The following UROS variants were observed in gnomAD, a reference collection of about 807,000 sequenced individuals.
UROS encodes uroporphyrinogen-III synthase.
Under a neutral mutation model 33.0 loss-of-function variants are expected in UROS, and 18 were observed. That is an observed-to-expected ratio of 0.55 (90% CI 0.38 to 0.81). The LOEUF is 0.81. UROS is among the 30% of genes least tolerant of loss of function. UROS has a pLI of 0.00. For synonymous variants in UROS, 114 were observed against 121.1 expected (o/e 0.94, Z 0.38); for missense variants, 293 against 314.9 (o/e 0.93, Z 0.53).
At chr10:125,795,874 C>T (rs1173597105) in intron 8 of UROS, among the ~76,000 whole-genome samples, 1 of 152,222 alleles carries the variant, frequency 6.6e-6, no homozygotes, top group African/African-American at 2.4e-5. Flanking sequence ...ACCGAAATCA[C>T]TGATTTCAAA....
Position 125,816,502 on chromosome 10 carries a change from T to C in UROS, c.-3A>G. 6.2e-7 allele frequency: 1 copy of C among 1,614,202 alleles called. No homozygotes were observed. Among genetic ancestry groups the C allele is most frequent in the Non-Finnish European group, 8.5e-7 (1 of 1,180,022 alleles). On this transcript the variant is annotated 5_prime_UTR_variant, in exon 2 of 10. Coordinates refer to ENST00000368797, the MANE Select transcript of UROS (RefSeq NM_000375.3). ...TCCTTCAGTAAAAGAACCTTCATTA[T>C]TGCCTGGCAGTCCTTATAGGGCACT...
At chr10:125,793,452 A>T (rs953899233) in intron 9 of UROS, 1 of 152,242 alleles carries the variant, frequency 6.6e-6, no homozygotes, top group Non-Finnish European at 1.5e-5. Context: ...ACCCATCCTG[A>T]CCTGCAATAT....
At chr10:125,818,935 C>G (rs1361838872) in intron 1 of UROS, among the ~76,000 whole-genome samples, 1 of 152,176 alleles carries the variant, frequency 6.6e-6, no homozygotes, top group Non-Finnish European at 1.5e-5. Flanking sequence ...TTCAAGTTGC[C>G]TGCTTAGGTC....
At chr10:125,801,641 T>C (rs1026134992) in intron 6 of UROS, among the ~76,000 whole-genome samples, 1 of 152,236 alleles carries the variant, frequency 6.6e-6, no homozygotes, top group Non-Finnish European at 1.5e-5. Flanking sequence ...GATATTCTAA[T>C]TGCAAATGGA....
intron 3 of UROS, 24 bp from the exon 4 acceptor site, chr10:125,815,154 A>G: frequency 6.2e-7 from 1 of 1,612,098 alleles, no homozygotes; most frequent in South Asian, 1.1e-5. Context: ...AGCAATAAAG[A>G]CATTTTATAC....
intron 9 of UROS, chr10:125,794,379 A>C: frequency 9.9e-7 from 1 of 1,009,904 alleles, no homozygotes; most frequent in Non-Finnish European, 1.2e-6. Context: ...GAGCCAGTTC[A>C]AGGGTGTTTC....
chr10:125,790,183 C>T (rs1850817216), intron 9 of UROS, among the ~76,000 whole-genome samples: 1 of 152,178 alleles, frequency 6.6e-6, no homozygotes, highest in Non-Finnish European at 1.5e-5. Flanking sequence ...ACCCCGCCCA[C>T]AGTACTGCCT....
At chr10:125,808,944 C>A (rs369389799) in intron 5 of UROS, among the ~76,000 whole-genome samples, 1 of 152,260 alleles carries the variant, frequency 6.6e-6, no homozygotes, top group Non-Finnish European at 1.5e-5. Flanking sequence ...GCTGGGTAAG[C>A]CCATCTTAAG....
intron 8 of UROS, chr10:125,795,252 G>A: frequency 2.0e-6 from 1 of 491,148 alleles, no homozygotes; most frequent in South Asian, 2.0e-5. Flanking sequence ...GAGCTCATGT[G>A]CCCAGCAGCC....
At chr10:125,807,544 C>T (rs1852442282) in intron 5 of UROS, 57 bp from the exon 6 acceptor site, 2 of 1,423,638 alleles carry the variant, frequency 1.4e-6, no homozygotes, top group East Asian at 4.6e-5. Flanking sequence ...CCTTTTGTTC[C>T]AGCGTTATTT....
At chr10:125,786,081 A>G (rs1850627160), downstream of UROS, among the ~76,000 whole-genome samples, 1 of 152,124 alleles carries the variant, frequency 6.6e-6, no homozygotes, top group South Asian at 2.1e-4. Context: ...ACTGCCACTC[A>G]GGGTGTCGAG....
At chr10:125,802,949 C>CA in intron 6 of UROS, 1 of 1,612,724 alleles carries the variant, frequency 6.2e-7, no homozygotes, top group South Asian at 1.1e-5. Context: ...CCAGATATTA[C>CA]TCCAATGATT....
In UROS at chr10:125,798,052, G is replaced by T. The variant is rs775028516; in HGVS notation, c.475+13C>A. Reference sequence around the variant, plus strand: ...CAAAGTGGTAAGGGATGCAGTCAAAGCATTCTACTCGCCTTTGTCCTTGAG... The same window carrying T: ...CAAAGTGGTAAGGGATGCAGTCAAATCATTCTACTCGCCTTTGTCCTTGAG... On this transcript the variant is annotated intron_variant, in intron 7 of 9. Transcript: ENST00000368797. 5 of 1,613,632 alleles carry T rather than the reference G, an allele frequency of 3.1e-6. No homozygotes were observed. The highest frequency in any genetic ancestry group is 2.2e-5 in the East Asian group (1 of 44,886).
At chr10:125,822,378 G>T in intron 1 of UROS, among the ~76,000 whole-genome samples, 1 of 151,414 alleles carries the variant, frequency 6.6e-6, no homozygotes, top group East Asian at 1.9e-4. Context: ...TGTGGAGTGC[G>T]GTGGCGCGAT....
chr10:125,809,935 A>G (rs1461779317), intron 5 of UROS, among the ~76,000 whole-genome samples: 2 of 152,226 alleles, frequency 1.3e-5, no homozygotes. Context: ...CAACATTTAT[A>G]AAGAAATACT....
At chr10:125,803,307 A>T (rs1217626791) in intron 6 of UROS, among the ~76,000 whole-genome samples, 1 of 152,168 alleles carries the variant, frequency 6.6e-6, no homozygotes, top group Admixed American at 6.5e-5. Flanking sequence ...TCAGACTCAT[A>T]ACGGGCCCTC....
intron 6 of UROS, among the ~76,000 whole-genome samples, chr10:125,800,311 T>G (rs1851728654): frequency 6.6e-6 from 1 of 152,222 alleles, no homozygotes; most frequent in Non-Finnish European, 1.5e-5. Flanking sequence ...TTGTCTGCCC[T>G]TTCCCAATTG....
intron 8 of UROS, among the ~76,000 whole-genome samples, chr10:125,795,805 A>C (rs1851303219): frequency 6.6e-6 from 1 of 152,242 alleles, no homozygotes; most frequent in Non-Finnish European, 1.5e-5. Flanking sequence ...CCTCAAAGTC[A>C]CCACATTAAT....
chr10:125,817,630 A>C (rs985498170), intron 1 of UROS, among the ~76,000 whole-genome samples: 52 of 58,626 alleles, frequency 8.9e-4, no homozygotes, highest in Non-Finnish European at 2.1e-3. Context: ...AACAGCGAAC[A>C]GATCTATTGA....
Sources: allele counts gnomAD v4.1 joint callset (sites outside exome capture counted in the v4.1 genomes callset), GRCh38; gene constraint gnomAD v4.1.1; transcripts MANE v1.5; gene names NCBI Gene and HGNC (gene_info 2026-07-23, HGNC 2026-07-21).